Variants in NXPH2 observed in about 807,000 individuals in gnomAD.
NXPH2 encodes neurexophilin 2.
In NXPH2, 5 loss-of-function variants were observed where a neutral mutation model predicts 19.8. The observed-to-expected ratio is 0.25, with a 90% CI of 0.13 to 0.53. The LOEUF (loss-of-function observed/expected upper bound fraction) is 0.53. Among genes scored for constraint, NXPH2 ranks in the 20% least tolerant of loss-of-function variants. The probability of loss-of-function intolerance (pLI) is 0.96; values close to 1 mark genes in which losing one functional copy is unlikely to be tolerated. For missense variants in NXPH2, 289 were observed against 322.8 expected (o/e 0.90, Z 0.80); for synonymous variants, 154 against 127.4 (o/e 1.21, Z -1.41).
intron 1 of NXPH2, among the ~76,000 whole-genome samples, chr2:138,716,006 A>C (rs1312593245): frequency 6.6e-6 from 1 of 152,052 alleles, no homozygotes; most frequent in African/African-American, 2.4e-5. Context: ...CTGATGATCT[A>C]CTTTTTTCTT....
At chr2:138,725,324 AC>A (rs940904062) in intron 1 of NXPH2, among the ~76,000 whole-genome samples, 13 of 152,204 alleles carry the variant, frequency 8.5e-5, no homozygotes, top group African/African-American at 2.7e-4. Context: ...AATAGATAAG[AC>A]AAACTCATAC....
intron 1 of NXPH2, among the ~76,000 whole-genome samples, chr2:138,767,360 CTA>C (rs1334624237): frequency 6.6e-6 from 1 of 152,230 alleles, no homozygotes; most frequent in Non-Finnish European, 1.5e-5. Flanking sequence ...TCCCTTTGCT[CTA>C]TCTCTCTCTT....
chr2:138,723,695 G>C (rs1681313323), intron 1 of NXPH2, among the ~76,000 whole-genome samples: 1 of 152,174 alleles, frequency 6.6e-6, no homozygotes, highest in African/African-American at 2.4e-5. Flanking sequence ...TACCATTGCA[G>C]GTGGAGTATC....
At chr2:138,672,043 A>C (rs551662937) in intron 1 of NXPH2, among the ~76,000 whole-genome samples, 31 of 152,346 alleles carry the variant, frequency 2.0e-4, no homozygotes, top group African/African-American at 7.2e-4. Flanking sequence ...GAAGACAAAA[A>C]TAGAGTGCTG....
intron 1 of NXPH2, among the ~76,000 whole-genome samples, chr2:138,734,204 C>T (rs1014210043): frequency 1.5e-4 from 23 of 152,252 alleles, no homozygotes; most frequent in Middle Eastern, 3.4e-3. Context: ...AAGATCCCAC[C>T]ACTGCATTCC....
At chr2:138,689,146 T>C (rs1466577001) in intron 1 of NXPH2, among the ~76,000 whole-genome samples, 1 of 152,228 alleles carries the variant, frequency 6.6e-6, no homozygotes, top group African/African-American at 2.4e-5. Flanking sequence ...CAAACGACCA[T>C]ATCATGTTTC....
intron 1 of NXPH2, among the ~76,000 whole-genome samples, chr2:138,761,789 A>T (rs1051173572): frequency 6.6e-6 from 1 of 152,174 alleles, no homozygotes; most frequent in South Asian, 2.1e-4. Context: ...TACATATCTA[A>T]AGCAAAATAT....
At chr2:138,675,189 A>G (rs767901777) in intron 1 of NXPH2, among the ~76,000 whole-genome samples, 1 of 152,224 alleles carries the variant, frequency 6.6e-6, no homozygotes, top group Non-Finnish European at 1.5e-5. Context: ...TTCAACCACA[A>G]GTATAAAAAT....
intron 1 of NXPH2, among the ~76,000 whole-genome samples, chr2:138,726,353 A>T (rs1056027402): frequency 6.6e-6 from 1 of 152,132 alleles, no homozygotes; most frequent in Non-Finnish European, 1.5e-5. Context: ...CTGCCAACTT[A>T]GAGTTTAATT....
chr2:138,681,573 AT>A (rs1356933760), intron 1 of NXPH2, among the ~76,000 whole-genome samples: 1 of 152,234 alleles, frequency 6.6e-6, no homozygotes, highest in African/African-American at 2.4e-5. Flanking sequence ...TCCTCTACTT[AT>A]CAAAGAAGAA....
chr2:138,695,538 G>T (rs1054231740), intron 1 of NXPH2, among the ~76,000 whole-genome samples: 1 of 151,942 alleles, frequency 6.6e-6, no homozygotes, highest in South Asian at 2.1e-4. Context: ...CATGTATTTT[G>T]ATTCAAAAAC....
intron 1 of NXPH2, among the ~76,000 whole-genome samples, chr2:138,761,326 G>A (rs1010095074): frequency 4.6e-5 from 7 of 152,066 alleles, no homozygotes; most frequent in African/African-American, 7.2e-5. Context: ...ATCACCAATG[G>A]CTGCCAACTA....
At position 138,700,982 on chromosome 2, in the gene NXPH2, A is replaced by G. The variant is rs180778238; in HGVS notation, c.52-29317T>C. ...AAGAGATGTAGAGAACGGCGTTTTAAGAAAAGCGACAAAGGCAGGCAGGAA... is the reference window on the plus strand; with the variant it reads ...AAGAGATGTAGAGAACGGCGTTTTAGGAAAAGCGACAAAGGCAGGCAGGAA... On this transcript the variant is annotated intron_variant, in intron 1 of 1. Transcript: ENST00000272641. Among the ~76,000 whole-genome samples the G allele has an allele frequency of 1.2e-3, 188 of 152,248 alleles. 4 individuals are homozygous for G. The highest frequency in any genetic ancestry group is 2.8e-3 in the Admixed American group (43 of 15,284).
chr2:138,755,560 A>G (rs562981395), intron 1 of NXPH2, among the ~76,000 whole-genome samples: 1 of 152,024 alleles, frequency 6.6e-6, no homozygotes, highest in Non-Finnish European at 1.5e-5. Flanking sequence ...AACCAATACC[A>G]TGGTGTATTG....
chr2:138,770,381 A>T (rs1402819874), intron 1 of NXPH2, among the ~76,000 whole-genome samples: 1 of 152,178 alleles, frequency 6.6e-6, no homozygotes, highest in Non-Finnish European at 1.5e-5. Context: ...TTAACAAATA[A>T]TAAACTTCAT....
At chr2:138,760,018 AGAGCCCGGCCGCCACCCTTTTTC>A (rs1681985378) in intron 1 of NXPH2, among the ~76,000 whole-genome samples, 2 of 152,162 alleles carry the variant, frequency 1.3e-5, no homozygotes, top group African/African-American at 4.8e-5. Flanking sequence ...CATGTGCCAC[AGAGCCCGGCCGCCACCCTTTTTC>A]TATAAAGTGT....
intron 1 of NXPH2, among the ~76,000 whole-genome samples, chr2:138,750,503 G>A (rs1050686981): frequency 6.6e-6 from 1 of 152,112 alleles, no homozygotes; most frequent in East Asian, 1.9e-4. Flanking sequence ...AACATCATCA[G>A]AAGTAGAGCT....
At chr2:138,721,849 G>GATTT (rs1249467834) in intron 1 of NXPH2, among the ~76,000 whole-genome samples, 3 of 152,192 alleles carry the variant, frequency 2.0e-5, no homozygotes, top group Non-Finnish European at 4.4e-5. Flanking sequence ...AAGTTTGCAG[G>GATTT]ATTTAGATGC....
At chr2:138,775,603 G>C (rs531527883) in intron 1 of NXPH2, among the ~76,000 whole-genome samples, 1 of 152,000 alleles carries the variant, frequency 6.6e-6, no homozygotes, top group Admixed American at 6.6e-5. Context: ...TATGTTAACT[G>C]GGAAAAGGTT....
Sources: gnomAD v4.1 joint callset for allele counts (sites outside exome capture counted in the v4.1 genomes callset) on GRCh38, gnomAD v4.1.1 for gene constraint, MANE v1.5 for transcripts, NCBI Gene and HGNC (gene_info 2026-07-23, HGNC 2026-07-21) for gene names.